CCDC40: variants seen among roughly 807,000 people sequenced by gnomAD.
The protein encoded by CCDC40 is coiled-coil domain 40 molecular ruler complex subunit.
A neutral mutation model predicts 124.5 loss-of-function variants in CCDC40; 104 were observed. That is an observed-to-expected ratio of 0.84 (90% confidence interval 0.71 to 0.98). The LOEUF is 0.98. Ranked by LOEUF, CCDC40 falls within the 50% of genes least tolerant of loss-of-function variation. The pLI is 0.00. For synonymous variants in CCDC40, 580 were observed against 602.9 expected (o/e 0.96, Z 0.56); for missense variants, 1,463 against 1,503.9 (o/e 0.97, Z 0.45).
At chr17:80,073,147 C>G (rs956975303) in intron 10 of CCDC40, among the ~76,000 whole-genome samples, 13 of 152,078 alleles carry the variant, frequency 8.5e-5, no homozygotes, top group African/African-American at 2.9e-4. Flanking sequence ...GGATTACAGG[C>G]ACATGCCACC....
In CCDC40 at chr17:80,086,153, G is replaced by T. The variant is rs751199548; in HGVS notation, c.2386G>T (p.Ala796Ser). 2 of 1,613,818 alleles carry T rather than the reference G, an allele frequency of 1.2e-6. No homozygotes were observed. Among genetic ancestry groups the T allele is most frequent in the African/African-American group, 1.3e-5 (1 of 74,890 alleles). ...KVTQEQEEQL[A>S]SLDASKKELH... is the part of the protein sequence containing the mutation. ...GACACAGGAGCAGGAGGAGCAGCTG[G>T]CCTCCCTGGACGCATCCAAGAAGGA... Residue 796 changes from alanine to serine, a missense_variant, in exon 14 of 20, where the codon GCC (alanine) becomes TCC (serine). Ala to Ser is a moderately conservative substitution (Grantham distance 99, BLOSUM62 1). Transcript: ENST00000397545. This position sits in a 1 kb window ranked among gnomAD's most constrained non-coding sequence, Gnocchi z 5.5.
rs530834627 is a variant in CCDC40 at position 80,097,627 on chromosome 17, T to A, written c.3180+224T>A. 7 of 584,504 alleles carry A rather than the reference T, an allele frequency of 1.2e-5. No individual in the cohort carries two copies. In the Admixed American group the frequency reaches 1.8e-4, roughly 15 times the overall value. The allele number at this position is 584,504 out of a possible 1,614,324, so 36.2% of individuals were successfully genotyped here. ...GAGTATCTGTTATGGGCTGGGCTCA[T>A]GTTCAGCGTGCGAGGGTTACAAAAT... On this transcript the variant is annotated intron_variant, in intron 19 of 19. Coordinates refer to ENST00000397545, the MANE Select transcript of CCDC40 (RefSeq NM_017950.4).
chr17:80,093,765 C>T (rs1008975641), intron 17 of CCDC40, among the ~76,000 whole-genome samples: 5 of 152,084 alleles, frequency 3.3e-5, no homozygotes, highest in Middle Eastern at 3.4e-3. Flanking sequence ...CCACCGGTTT[C>T]GGCCTCCCAA....
In CCDC40 at chr17:80,084,683, A is replaced by G. The variant is rs1046785467; in HGVS notation, c.1990-60A>G. The G allele has an allele frequency of 3.7e-6, 6 of 1,605,598 alleles. No homozygotes were observed. In the African/African-American group the frequency reaches 8.0e-5, roughly 21 times the overall value. ...ACCGTCAGGGAACGGTGGATCAGCA[A>G]ACTCGTCCCGGGCCTTGGGTGGGGG... On this transcript the variant is annotated intron_variant, in intron 12 of 19. Coordinates refer to ENST00000397545, the MANE Select transcript of CCDC40 (RefSeq NM_017950.4).
chr17:80,036,673 C>A lies in CCDC40; in HGVS notation c.11C>A (p.Pro4Gln), dbSNP rs776947186. The change falls in exon 1 of 20, where the codon CCG (proline) becomes CAG (glutamine). Residue 4 changes from proline to glutamine, a missense_variant. By Grantham distance (76) the Pro-to-Gln change is moderately conservative. Transcript: ENST00000397545. MAEPGGAAGRSHPE... is the reference protein window; with the variant it reads MAEQGGAAGRSHPE... ...GCCTAGCAACGGGAAATGGCGGAACCGGGCGGCGCGGCGGGCCGGTAAGCC... is the reference window on the plus strand; with the variant it reads ...GCCTAGCAACGGGAAATGGCGGAACAGGGCGGCGCGGCGGGCCGGTAAGCC... 2 of 1,460,036 alleles carry A rather than the reference C, an allele frequency of 1.4e-6. No individual in the cohort carries two copies. The highest frequency in any genetic ancestry group is 1.8e-6 in the Non-Finnish European group (2 of 1,108,274). 90.4% of individuals were successfully genotyped at this position (1,460,036 alleles called of 1,614,324 possible).
chr17:80,083,922 C>T (rs562967023), intron 12 of CCDC40, among the ~76,000 whole-genome samples: 1 of 152,274 alleles, frequency 6.6e-6, no homozygotes, highest in Admixed American at 6.5e-5. Flanking sequence ...GAACATAAGA[C>T]CCGACTTACC....
chr17:80,061,650 A>G (rs1424657131), intron 9 of CCDC40, among the ~76,000 whole-genome samples: 1 of 152,178 alleles, frequency 6.6e-6, no homozygotes, highest in Non-Finnish European at 1.5e-5. Flanking sequence ...TCTCATTTCC[A>G]GTACCCAGAA....
At chr17:80,045,921 G>A (rs2037410015) in intron 3 of CCDC40, among the ~76,000 whole-genome samples, 2 of 150,852 alleles carry the variant, frequency 1.3e-5, no homozygotes, top group South Asian at 4.2e-4. Context: ...CCCTGTTATT[G>A]ATCCTTACAG....
intron 9 of CCDC40, among the ~76,000 whole-genome samples, chr17:80,059,510 A>G (rs896725486): frequency 2.0e-5 from 3 of 150,274 alleles, no homozygotes; most frequent in African/African-American, 4.9e-5. Context: ...AAAAAAAACT[A>G]TGAGTCACCA....
At chr17:80,057,898 C>G (rs931501724) in intron 7 of CCDC40, among the ~76,000 whole-genome samples, 3 of 151,812 alleles carry the variant, frequency 2.0e-5, no homozygotes. Context: ...AGAAATCCAT[C>G]TCATGCAAGT....
At chr17:80,071,418 C>T (rs2038183641) in intron 10 of CCDC40, among the ~76,000 whole-genome samples, 3 of 152,212 alleles carry the variant, frequency 2.0e-5, no homozygotes, top group African/African-American at 7.2e-5. Flanking sequence ...GGGCAGTGTC[C>T]TGGGAGAGAA....
intron 3 of CCDC40, among the ~76,000 whole-genome samples, chr17:80,043,633 A>G (rs2037341207): frequency 7.6e-6 from 1 of 131,960 alleles, no homozygotes; most frequent in African/African-American, 3.0e-5. Flanking sequence ...TTTGAAACAG[A>G]GTCTTGCCCA....
chr17:80,075,977 A>G (rs769952035), intron 10 of CCDC40, among the ~76,000 whole-genome samples: 4 of 152,216 alleles, frequency 2.6e-5, no homozygotes, highest in Non-Finnish European at 5.9e-5. Flanking sequence ...CTGTGTTCAT[A>G]TGATCAAACT....
intron 10 of CCDC40, among the ~76,000 whole-genome samples, chr17:80,073,675 A>G (rs950908149): frequency 8.5e-6 from 1 of 117,570 alleles, no homozygotes; most frequent in Non-Finnish European, 1.8e-5. Flanking sequence ...AGTGAAAGGA[A>G]GAGTCTCATG....
chr17:80,071,545 TACAG>T (rs1383235472), intron 10 of CCDC40, among the ~76,000 whole-genome samples: 1 of 152,230 alleles, frequency 6.6e-6, no homozygotes, highest in East Asian at 1.9e-4. Flanking sequence ...TTGTTTCATT[TACAG>T]ACAGTCCCCG....
intron 3 of CCDC40, among the ~76,000 whole-genome samples, chr17:80,045,427 G>C (rs1316434615): frequency 6.6e-6 from 1 of 152,146 alleles, no homozygotes; most frequent in African/African-American, 2.4e-5. Context: ...AGCTAAAATG[G>C]ATGCCGGGCA....
intron 1 of CCDC40, among the ~76,000 whole-genome samples, chr17:80,037,638 C>T (rs1278198103): frequency 1.4e-5 from 2 of 139,084 alleles, no homozygotes; most frequent in African/African-American, 2.6e-5. Flanking sequence ...TTGAACATAT[C>T]TATATTCCTT....
intron 3 of CCDC40, chr17:80,040,560 T>A (rs1430524627): frequency 2.4e-6 from 1 of 412,862 alleles, no homozygotes. Context: ...ACGCCTGTAA[T>A]CCCAGCTACT....
chr17:80,045,474 CG>C (rs1014487818), intron 3 of CCDC40, among the ~76,000 whole-genome samples: 49 of 152,082 alleles, frequency 3.2e-4, no homozygotes, highest in African/African-American at 1.1e-3. Context: ...GAGGCCGAGG[CG>C]GGTGGATCAC....
Sources: allele counts gnomAD v4.1 joint callset (sites outside exome capture counted in the v4.1 genomes callset), GRCh38; gene constraint gnomAD v4.1.1; non-coding constraint Gnocchi (gnomAD v3.1); transcripts MANE v1.5; gene names NCBI Gene and HGNC (gene_info 2026-07-23, HGNC 2026-07-21).